The following ADGRL1 variants were observed in gnomAD, a reference collection of about 807,000 sequenced individuals.
ADGRL1 encodes CIRL-1.
A neutral mutation model predicts 148.9 loss-of-function variants in ADGRL1; 31 were observed. The ratio of observed to expected loss-of-function variants is 0.21; its 90% CI spans 0.16 to 0.28. ADGRL1 has a LOEUF of 0.28. Ranked by LOEUF, ADGRL1 falls within the 10% of genes least tolerant of loss-of-function variation. The pLI, the probability that ADGRL1 is intolerant of heterozygous loss-of-function variation, is 1.00. For synonymous variants in ADGRL1, 937 were observed against 900.3 expected (o/e 1.04, Z -0.73); for missense variants, 1,521 against 2,058.8 (o/e 0.74, Z 5.05).
intron 2 of ADGRL1, among the ~76,000 whole-genome samples, chr19:14,181,668 C>T (rs1238267471): frequency 2.0e-5 from 3 of 151,606 alleles, no homozygotes; most frequent in South Asian, 2.1e-4. Flanking sequence ...TGCAGTGAGC[C>T]GAGATCACAC....
chr19:14,177,758 T>TG lies in ADGRL1; in HGVS notation c.71-15dup, dbSNP rs763147659. On this transcript the variant is annotated splice_polypyrimidine_tract_variant and intron_variant, in intron 2 of 22. Transcript: ENST00000361434. The stretch of plus-strand genomic sequence containing the variant: ...CCCGGCTCAGGCCTGCAGGGAGGGT[T>TG]GGGGATGGTGTCACTCCTGGGCCTG... The TG allele has an allele frequency of 1.9e-6, 3 of 1,604,372 alleles. No homozygotes were observed. In the East Asian group the frequency reaches 6.7e-5, roughly 36 times the overall value.
intron 1 of ADGRL1, among the ~76,000 whole-genome samples, chr19:14,201,469 T>C (rs1157082282): frequency 2.0e-5 from 3 of 150,684 alleles, no homozygotes; most frequent in African/African-American, 7.4e-5. Flanking sequence ...CAGGCTGGAG[T>C]GCACTTGTGC....
chr19:14,193,622 G>T (rs1350200095), intron 1 of ADGRL1, among the ~76,000 whole-genome samples: 1 of 152,128 alleles, frequency 6.6e-6, no homozygotes, highest in African/African-American at 2.4e-5. Context: ...CCCAACTCCT[G>T]ATAACTCAAA....
At position 14,157,957 on chromosome 19, in the gene ADGRL1, C is replaced by G. The variant is rs947712735; in HGVS notation, c.2460G>C (p.Glu820Asp). Residue 820 changes from glutamate to aspartate, a missense_variant, in exon 13 of 23, where the codon GAG becomes GAC. Transcript: ENST00000361434. The surrounding 1 kb of genome is among the most constrained non-coding windows in gnomAD (Gnocchi z 7.5). ...YWSTQGCRLV[E>D]SNKTHTTCAC... ...CACACGTGGTATGGGTCTTGTTGGA[C>G]TCCACCAGGCGGCAGCCTTGGGTCG... 1.2e-6 allele frequency: 2 copies of G among 1,614,224 alleles called. No individual in the cohort carries two copies. The highest frequency in any genetic ancestry group is 1.7e-6 in the Non-Finnish European group (2 of 1,180,022).
In ADGRL1 at chr19:14,159,405, G is replaced by A. The variant is rs774878195; in HGVS notation, c.2019C>T (p.Asn673=). 44 of 1,607,494 alleles carry A rather than the reference G, an allele frequency of 2.7e-5. No individual in the cohort carries two copies. In the Admixed American group the frequency reaches 3.0e-4, roughly 11 times the overall value. ...CTGGGTGACTGTGGCACTCACCCAC[G>A]TTCTCCTTGGCAGCCAGGAAGCGGG... ...EPARFLAAKE[N]VVLEVTVLNT... The change falls in exon 10 of 23, where the codon AAC becomes AAT. Residue 673 remains asparagine, a synonymous_variant. Transcript: ENST00000361434. This position sits in a 1 kb window ranked among gnomAD's most constrained non-coding sequence, Gnocchi z 6.0.
At chr19:14,172,623 C>T (rs1160411207) in intron 3 of ADGRL1, among the ~76,000 whole-genome samples, 1 of 151,978 alleles carries the variant, frequency 6.6e-6, no homozygotes, top group Non-Finnish European at 1.5e-5. Context: ...ACCGGTAATC[C>T]CAGCTACTCG....
At chr19:14,184,042 C>T (rs1333075085) in intron 1 of ADGRL1, among the ~76,000 whole-genome samples, 1 of 152,188 alleles carries the variant, frequency 6.6e-6, no homozygotes, top group Non-Finnish European at 1.5e-5. Flanking sequence ...ATCTCCCCTA[C>T]TCGCATCCTC....
At position 14,161,873 on chromosome 19, in the gene ADGRL1, TGA is replaced by T. The variant is rs1406125162; in HGVS notation, c.1196-249_1196-248del. Among the ~76,000 whole-genome samples, 1 of 152,138 alleles carries T rather than the reference TGA, an allele frequency of 6.6e-6. No individual in the cohort carries two copies. Among genetic ancestry groups the T allele is most frequent in the Non-Finnish European group, 1.5e-5 (1 of 68,020 alleles). On this transcript the variant is annotated intron_variant, in intron 5 of 22. Transcript: ENST00000361434. This position sits in a 1 kb window ranked among gnomAD's most constrained non-coding sequence, Gnocchi z 4.4. ...AATCCACGATGTGTACCATAAGGTC[TGA>T]GAGAACGGTCAGGGGAGAGGCAGGG...
At position 14,151,019 on chromosome 19, in the gene ADGRL1, G is replaced by A. The variant is rs775851988; in HGVS notation, c.4264C>T (p.Arg1422Cys). Reference sequence around the variant, plus strand: ...TTCCGGGCCACCAGGGCTGGCGGGCGCGAGGTGTAGTAGATTTCGGGGGGG... The same window carrying A: ...TTCCGGGCCACCAGGGCTGGCGGGCACGAGGTGTAGTAGATTTCGGGGGGG... The part of the protein sequence containing the change: ...PGPPEIYYTS[R>C]PPALVARNPL... The change falls in exon 23 of 23, where the codon CGC becomes TGC. Residue 1422 changes from arginine (R) to cysteine (C), a missense_variant. Physicochemically the swap from Arg to Cys is radical, Grantham distance 180. This residue lies in a region of ADGRL1 where 390 missense variants were observed against 375.0 expected (regional missense o/e 1.04). Transcript: ENST00000361434. The A allele has an allele frequency of 1.1e-5, 17 of 1,559,518 alleles. No individual in the cohort carries two copies. The highest frequency in any genetic ancestry group is 4.1e-5 in the African/African-American group (3 of 73,732).
At chr19:14,205,400 G>A (rs1972922875) in intron 1 of ADGRL1, among the ~76,000 whole-genome samples, 1 of 151,860 alleles carries the variant, frequency 6.6e-6, no homozygotes, top group Admixed American at 6.6e-5. Context: ...ACTGCGGCCG[G>A]CTGGACACCC....
Position 14,162,730 on chromosome 19 carries a change from G to C in ADGRL1, c.1071C>G (p.Phe357Leu). ...AGGAGATGAACTGGTAGGGGTTGGG[G>C]AAGGTGAGGCTGACAGGCTCCTCGC... ...ANREEPVSLT[F>L]PNPYQFISSV... Residue 357 changes from phenylalanine (F) to leucine (L), a missense_variant, in exon 5 of 23, where the codon TTC (phenylalanine) becomes TTG (leucine). Phe to Leu is a conservative substitution (Grantham distance 22, BLOSUM62 0). Transcript: ENST00000361434. This position sits in a 1 kb window ranked among gnomAD's most constrained non-coding sequence, Gnocchi z 5.4. 6.2e-7 allele frequency: 1 copy of C among 1,614,214 alleles called. No individual in the cohort carries two copies. The highest frequency in any genetic ancestry group is 8.5e-7 in the Non-Finnish European group (1 of 1,180,016).
chr19:14,160,220 G>A lies in ADGRL1; in HGVS notation c.1692C>T (p.Asp564=), dbSNP rs150872915. The A allele has an allele frequency of 2.8e-5, 45 of 1,601,566 alleles. No individual in the cohort carries two copies. The highest frequency in any genetic ancestry group is 1.5e-4 in the South Asian group (14 of 90,834). ...CCATCAGCTTCACAGAGGAGGAGAC[G>A]TCCCCCGCGTAGATGGAGCCCCGGG... ...RHTRGSIYAG[D]VSSSVKLMEQ... is the part of the protein sequence containing the mutation. Residue 564 remains aspartate (D), a synonymous_variant, in exon 8 of 23, where the codon GAC becomes GAT. Coordinates refer to ENST00000361434, the MANE Select transcript of ADGRL1 (RefSeq NM_014921.5). This position sits in a 1 kb window ranked among gnomAD's most constrained non-coding sequence, Gnocchi z 5.9.
intron 22 of ADGRL1, 78 bp from the exon 23 acceptor site, chr19:14,151,693 T>C (rs1968217488): frequency 7.3e-7 from 1 of 1,361,788 alleles, no homozygotes; most frequent in Non-Finnish European, 9.9e-7. Context: ...GTGCGGTCCA[T>C]GTGGAGAAGT....
In ADGRL1 at chr19:14,151,028, A is replaced by G; in HGVS notation, c.4255T>C (p.Tyr1419His). Residue 1419 changes from tyrosine (Y) to histidine (H), a missense_variant, in exon 23 of 23, where the codon TAC becomes CAC. This residue lies in a region of ADGRL1 where 390 missense variants were observed against 375.0 expected (regional missense o/e 1.04). Transcript: ENST00000361434. ...PAPPGPPEIY[Y>H]TSRPPALVAR... Reference sequence around the variant, plus strand: ...ACCAGGGCTGGCGGGCGCGAGGTGTAGTAGATTTCGGGGGGGCCGGGGGGT... The same window carrying G: ...ACCAGGGCTGGCGGGCGCGAGGTGTGGTAGATTTCGGGGGGGCCGGGGGGT... 4.1e-6 allele frequency: 5 copies of G among 1,227,048 alleles called. No homozygotes were observed. The highest frequency in any genetic ancestry group is 5.3e-6 in the Non-Finnish European group (5 of 947,760). 76.0% of individuals were successfully genotyped at this position (1,227,048 alleles called of 1,614,324 possible). A position where few individuals can be genotyped will look rare whatever the true frequency, so the allele number is the denominator to read the frequency against.
chr19:14,160,891 C>T lies in ADGRL1; in HGVS notation c.1511-195G>A, dbSNP rs1386221262. 6.6e-6 allele frequency among the ~76,000 whole-genome samples: 1 copy of T among 152,154 alleles called. No homozygotes were observed. Among genetic ancestry groups the T allele is most frequent in the Non-Finnish European group, 1.5e-5 (1 of 68,020 alleles). ...CGCCACTCACTTCCCCTGAGCTCTCCCTCCTGCCCCCTTCTGTCTTTGCCT... is the reference window on the plus strand; with the variant it reads ...CGCCACTCACTTCCCCTGAGCTCTCTCTCCTGCCCCCTTCTGTCTTTGCCT... On this transcript the variant is annotated intron_variant, in intron 6 of 22. Transcript: ENST00000361434. This position sits in a 1 kb window ranked among gnomAD's most constrained non-coding sequence, Gnocchi z 5.9.
At chr19:14,179,306 A>G (rs1432728263) in intron 2 of ADGRL1, among the ~76,000 whole-genome samples, 2 of 152,080 alleles carry the variant, frequency 1.3e-5, no homozygotes, top group African/African-American at 2.4e-5. Context: ...CATCCTGGCT[A>G]AAACGGTGAA....
At position 14,155,224 on chromosome 19, in the gene ADGRL1, ACC is replaced by A; in HGVS notation, c.3294+133_3294+134del. 9.7e-7 allele frequency: 1 copy of A among 1,028,736 alleles called. No individual in the cohort carries two copies. The highest frequency in any genetic ancestry group is 1.4e-6 in the Non-Finnish European group (1 of 700,154). 63.7% of individuals were successfully genotyped at this position (1,028,736 alleles called of 1,614,324 possible). A position where few individuals can be genotyped will look rare whatever the true frequency, so the allele number is the denominator to read the frequency against. On this transcript the variant is annotated intron_variant, in intron 18 of 22. Coordinates refer to ENST00000361434, the MANE Select transcript of ADGRL1 (RefSeq NM_014921.5). The surrounding 1 kb of genome is among the most constrained non-coding windows in gnomAD (Gnocchi z 5.0). The stretch of plus-strand genomic sequence containing the variant: ...TCCCCTCCCGGTGGACGCAGACCTG[ACC>A]ACAGAAGCCCTGCAGCACTCACTGG...
At chr19:14,196,989 C>T (rs1398439613) in intron 1 of ADGRL1, among the ~76,000 whole-genome samples, 2 of 152,062 alleles carry the variant, frequency 1.3e-5, no homozygotes, top group African/African-American at 2.4e-5. Flanking sequence ...TAAAGGTCAC[C>T]CTGGAGCTGG....
intron 1 of ADGRL1, among the ~76,000 whole-genome samples, chr19:14,200,737 G>A (rs1167907886): frequency 2.6e-5 from 4 of 151,504 alleles, no homozygotes; most frequent in Non-Finnish European, 4.4e-5. Flanking sequence ...TCAGCCTCCC[G>A]GGTAGCTGGG....
Sources: allele counts gnomAD v4.1 joint callset (sites outside exome capture counted in the v4.1 genomes callset), GRCh38; gene constraint gnomAD v4.1.1; regional missense constraint gnomAD v4.1.1; non-coding constraint Gnocchi (gnomAD v3.1); transcripts MANE v1.5; gene names NCBI Gene and HGNC (gene_info 2026-07-23, HGNC 2026-07-21).